The following HS3ST4 variants were observed in gnomAD, a reference collection of about 807,000 sequenced individuals.
HS3ST4 encodes heparan sulfate-glucosamine 3-sulfotransferase 4.
A neutral mutation model predicts 29.2 loss-of-function variants in HS3ST4; 17 were observed. The observed-to-expected ratio is 0.58, with a 90% confidence interval of 0.40 to 0.87. The LOEUF is 0.87. Ranked by LOEUF, HS3ST4 falls within the 40% of genes least tolerant of loss-of-function variation. The probability of loss-of-function intolerance (pLI) is 0.00; values close to 1 mark genes in which losing one functional copy is unlikely to be tolerated. For missense variants in HS3ST4, 627 were observed against 634.5 expected (o/e 0.99, Z 0.13); for synonymous variants, 314 against 285.7 (o/e 1.10, Z -1.00).
intron 1 of HS3ST4, among the ~76,000 whole-genome samples, chr16:25,970,672 C>A (rs555473854): frequency 4.6e-5 from 7 of 152,052 alleles, no homozygotes; most frequent in African/African-American, 1.4e-4. Context: ...CCATGCCTGG[C>A]TAAGTTTTTA....
At chr16:26,029,602 G>C (rs536975051) in intron 1 of HS3ST4, among the ~76,000 whole-genome samples, 180 of 152,252 alleles carry the variant, frequency 1.2e-3, no homozygotes, top group African/African-American at 4.0e-3. Flanking sequence ...TAGTAGAGAT[G>C]GGGTTTCACC....
At chr16:25,933,952 T>C (rs575057768) in intron 1 of HS3ST4, among the ~76,000 whole-genome samples, 2 of 152,350 alleles carry the variant, frequency 1.3e-5, no homozygotes, top group African/African-American at 2.4e-5. Context: ...GGAGGTCGCA[T>C]GTGAACATGA....
chr16:25,838,616 G>T (rs1451378352), intron 1 of HS3ST4, among the ~76,000 whole-genome samples: 1 of 152,148 alleles, frequency 6.6e-6, no homozygotes, highest in East Asian at 1.9e-4. Flanking sequence ...TCTGGGGTGG[G>T]TTTATTTCTC....
chr16:25,908,715 A>G (rs1968204310), intron 1 of HS3ST4, among the ~76,000 whole-genome samples: 1 of 152,222 alleles, frequency 6.6e-6, no homozygotes, highest in African/African-American at 2.4e-5. Context: ...ACAATGTTCA[A>G]TGGCAAGAGC....
chr16:26,023,684 G>A (rs2090559223), intron 1 of HS3ST4, among the ~76,000 whole-genome samples: 2 of 152,030 alleles, frequency 1.3e-5, no homozygotes, highest in Admixed American at 1.3e-4. Flanking sequence ...GGGATTTATA[G>A]ACATGAGCCA....
chr16:26,014,345 T>G (rs977099187), intron 1 of HS3ST4, among the ~76,000 whole-genome samples: 3 of 152,196 alleles, frequency 2.0e-5, no homozygotes, highest in African/African-American at 4.8e-5. Flanking sequence ...ATTTTTAAAT[T>G]TTTAACTTTT....
At chr16:26,044,641 G>C (rs1403694934) in intron 1 of HS3ST4, among the ~76,000 whole-genome samples, 1 of 152,088 alleles carries the variant, frequency 6.6e-6, no homozygotes, top group Non-Finnish European at 1.5e-5. Flanking sequence ...AAAATAGGAG[G>C]GATCTAGATT....
At chr16:26,072,703 G>C (rs981506293) in intron 1 of HS3ST4, among the ~76,000 whole-genome samples, 15 of 152,008 alleles carry the variant, frequency 9.9e-5, no homozygotes, top group South Asian at 6.2e-4. Flanking sequence ...GTTATTTTTT[G>C]TGTACAATGT....
chr16:25,746,686 G>GGATT (rs1401871607), intron 1 of HS3ST4, among the ~76,000 whole-genome samples: 1 of 150,912 alleles, frequency 6.6e-6, no homozygotes, highest in African/African-American at 2.4e-5. Flanking sequence ...TGAGTAGCTG[G>GGATT]GATTACAGGT....
At chr16:25,822,513 C>T (rs2141634286) in intron 1 of HS3ST4, among the ~76,000 whole-genome samples, 1 of 152,254 alleles carries the variant, frequency 6.6e-6, no homozygotes. Flanking sequence ...GTCTCTTGGC[C>T]TTGTGATGAT....
chr16:26,010,410 C>T (rs7189364), intron 1 of HS3ST4, among the ~76,000 whole-genome samples: 88,997 of 151,366 alleles, frequency 0.59, 27,083 homozygotes, highest in South Asian at 0.75. Context: ...GCCGAGATCA[C>T]GCCGCTGCAC....
rs533406456 is a variant in HS3ST4, at chr16:25,864,300, T to C, written c.734+171149T>C. ...ACACATCCATCACCTTAGATACTTATGTTTTGTGGTCAGAACATTTAAGAT... is the reference window on the plus strand; with the variant it reads ...ACACATCCATCACCTTAGATACTTACGTTTTGTGGTCAGAACATTTAAGAT... On this transcript the variant is annotated intron_variant, in intron 1 of 1. Transcript: ENST00000331351. Among the ~76,000 whole-genome samples the C allele has an allele frequency of 2.4e-4, 37 of 151,394 alleles. 1 individual carries two copies. Among genetic ancestry groups the C allele is most frequent in the Non-Finnish European group, 4.0e-4 (27 of 67,850 alleles).
At chr16:25,918,121 T>C (rs752780094) in intron 1 of HS3ST4, among the ~76,000 whole-genome samples, 1 of 152,212 alleles carries the variant, frequency 6.6e-6, no homozygotes, top group Non-Finnish European at 1.5e-5. Flanking sequence ...TCAACACACA[T>C]TTGTTGGACA....
intron 1 of HS3ST4, among the ~76,000 whole-genome samples, chr16:25,967,706 G>A (rs918683155): frequency 2.0e-5 from 3 of 152,138 alleles, no homozygotes; most frequent in South Asian, 2.1e-4. Flanking sequence ...ATCACCTCCT[G>A]GACTCAAGTG....
chr16:26,102,494 T>C (rs937666053), intron 1 of HS3ST4, among the ~76,000 whole-genome samples: 7 of 152,182 alleles, frequency 4.6e-5, no homozygotes, highest in Admixed American at 6.5e-5. Context: ...ATTTTCTTCC[T>C]ATCTACTCTC....
At position 25,932,037 on chromosome 16, in the gene HS3ST4, G is replaced by A. The variant is rs547392411; in HGVS notation, c.735-203575G>A. On this transcript the variant is annotated intron_variant, in intron 1 of 1. Transcript: ENST00000331351. ...TCTATATTGAAAGTTCATCTTGGTC[G>A]GGTGAAGTTGCTCACACCTGTAATC... is the stretch of plus-strand genomic sequence containing the variant. Among the ~76,000 whole-genome samples, 8 of 152,284 alleles carry A rather than the reference G, an allele frequency of 5.3e-5. No individual in the cohort carries two copies. In the East Asian group the frequency reaches 5.8e-4, roughly 11 times the overall value.
chr16:26,017,625 A>C (rs1969374009), intron 1 of HS3ST4, among the ~76,000 whole-genome samples: 1 of 152,226 alleles, frequency 6.6e-6, no homozygotes, highest in Non-Finnish European at 1.5e-5. Context: ...TTACTGTTAA[A>C]TGAGAATCCT....
chr16:26,029,181 C>T (rs998018567), intron 1 of HS3ST4, among the ~76,000 whole-genome samples: 3 of 152,160 alleles, frequency 2.0e-5, no homozygotes, highest in Non-Finnish European at 4.4e-5. Context: ...TTTGATAATA[C>T]TCAGTTTCCA....
chr16:25,907,956 G>C (rs1968196043), intron 1 of HS3ST4, among the ~76,000 whole-genome samples: 1 of 152,250 alleles, frequency 6.6e-6, no homozygotes, highest in Non-Finnish European at 1.5e-5. Flanking sequence ...GTATCAGCCT[G>C]TATTAAAGCC....
Sources: gnomAD v4.1 joint callset for allele counts (sites outside exome capture counted in the v4.1 genomes callset) on GRCh38, gnomAD v4.1.1 for gene constraint, MANE v1.5 for transcripts, NCBI Gene and HGNC (gene_info 2026-07-23, HGNC 2026-07-21) for gene names.